The following HSPA9 variants were observed in gnomAD, a reference collection of about 807,000 sequenced individuals.
HSPA9 encodes the protein stress-70 protein, mitochondrial.
HSPA9 carries 28 observed loss-of-function variants against 81.5 expected under a neutral mutation model. That is an observed-to-expected ratio of 0.34 (90% CI 0.25 to 0.47). HSPA9 has a LOEUF of 0.47. HSPA9 is among the 20% of genes least tolerant of loss of function. The pLI is 1.00. For missense variants in HSPA9, 678 were observed against 838.0 expected (o/e 0.81, Z 2.36); for synonymous variants, 293 against 290.4 (o/e 1.01, Z -0.09).
intron 7 of HSPA9, 145 bp downstream of exon 7, chr5:138,567,310 A>T (rs1392619216): frequency 1.0e-6 from 1 of 994,092 alleles, no homozygotes; most frequent in African/African-American, 1.6e-5. Flanking sequence ...CCCAAAAGAA[A>T]AGAAAAGAAT....
At chr5:138,562,710 C>T (rs1750686958) in intron 9 of HSPA9, among the ~76,000 whole-genome samples, 1 of 152,204 alleles carries the variant, frequency 6.6e-6, no homozygotes, top group Non-Finnish European at 1.5e-5. Context: ...TTCATTAGAA[C>T]CACACTACTG....
intron 9 of HSPA9, among the ~76,000 whole-genome samples, chr5:138,562,421 C>T (rs1580744717): frequency 1.3e-5 from 2 of 151,838 alleles, no homozygotes; most frequent in Middle Eastern, 6.8e-3. Flanking sequence ...CGTGGTGGCA[C>T]ATGCCTGTAA....
chr5:138,570,037 T>C (rs1750844763), intron 4 of HSPA9, among the ~76,000 whole-genome samples: 1 of 152,038 alleles, frequency 6.6e-6, no homozygotes, highest in African/African-American at 2.4e-5. Flanking sequence ...ACCACCGAGC[T>C]TGGCTCTTTT....
chr5:138,556,890 C>T (rs374552005), intron 14 of HSPA9, 24 bp from the exon 15 acceptor site: 37 of 1,560,886 alleles, frequency 2.4e-5, no homozygotes, highest in South Asian at 1.9e-4. Context: ...GAAGTTTAAA[C>T]GAAGACTTTC....
intron 4 of HSPA9, among the ~76,000 whole-genome samples, chr5:138,570,212 C>T (rs1035499132): frequency 6.6e-5 from 10 of 151,868 alleles, no homozygotes; most frequent in Admixed American, 4.6e-4. Flanking sequence ...TGGTGGCTCA[C>T]GCCTGTAATC....
intron 1 of HSPA9, 139 bp from the exon 2 acceptor site, chr5:138,574,265 C>T (rs986441935): frequency 1.6e-5 from 11 of 685,302 alleles, no homozygotes; most frequent in Middle Eastern, 2.4e-4. Flanking sequence ...ATAAGTAAGA[C>T]GAAAAAAGGT....
chr5:138,558,015 C>G, intron 12 of HSPA9, 29 bp from the exon 13 acceptor site: 2 of 1,416,042 alleles, frequency 1.4e-6, no homozygotes, highest in Non-Finnish European at 2.0e-6. Flanking sequence ...AGAGTAAGGT[C>G]CTCTTACAGA....
At chr5:138,561,361 A>G (rs1750656320) in intron 10 of HSPA9, among the ~76,000 whole-genome samples, 1 of 152,206 alleles carries the variant, frequency 6.6e-6, no homozygotes, top group Non-Finnish European at 1.5e-5. Context: ...TGCCCGCCTC[A>G]GCCTCCCGAA....
In HSPA9 at chr5:138,557,811, T is replaced by G. The variant is rs1295498447; in HGVS notation, c.1633+58A>C. On this transcript the variant is annotated intron_variant, in intron 13 of 16. Coordinates refer to ENST00000297185, the MANE Select transcript of HSPA9 (RefSeq NM_004134.7). ...AAGAGGACTCATCATTCTAAGAGGG[T>G]CTATTCCCAAGACCTCCCTCACCTC... is the stretch of plus-strand genomic sequence containing the variant. The G allele has an allele frequency of 1.9e-5, 19 of 992,894 alleles. No individual in the cohort carries two copies. In the Middle Eastern group the frequency reaches 9.1e-4, roughly 47 times the overall value. 61.5% of individuals were successfully genotyped at this position (992,894 alleles called of 1,614,324 possible).
chr5:138,561,471 C>T (rs1750659699), intron 10 of HSPA9, 109 bp downstream of exon 10: 3 of 823,996 alleles, frequency 3.6e-6, no homozygotes, highest in Middle Eastern at 3.4e-4. Flanking sequence ...AATCTCATCT[C>T]CCTTTTAGGT....
intron 5 of HSPA9, among the ~76,000 whole-genome samples, chr5:138,568,151 C>CTCTA (rs1386788070): frequency 6.6e-6 from 1 of 151,124 alleles, no homozygotes; most frequent in African/African-American, 2.4e-5. Flanking sequence ...CACCACTGCA[C>CTCTA]TCTAGCTTGG....
rs771644988 is a variant in HSPA9 at position 138,557,422 on chromosome 5, C to T, written c.1708G>A (p.Glu570Lys). The change falls in exon 14 of 17, where the codon GAA becomes AAA. Residue 570 changes from glutamate to lysine, a missense_variant. Around this residue, in one of 4 missense-constraint regions of HSPA9, gnomAD observed 484 missense variants for 647.5 expected, o/e 0.75. Transcript: ENST00000297185. ...NMVKNAEKYA[E>K]EDRRKKERVE... is the part of the protein sequence containing the mutation. ...ATCACCTTCTTTCGCCGGTCTTCTTCAGCATATTTCTCTGCATTTTTAACC... is the reference window on the plus strand; with the variant it reads ...ATCACCTTCTTTCGCCGGTCTTCTTTAGCATATTTCTCTGCATTTTTAACC... The T allele has an allele frequency of 8.7e-6, 14 of 1,608,804 alleles. No individual in the cohort carries two copies. Among genetic ancestry groups the T allele is most frequent in the Non-Finnish European group, 9.4e-6 (11 of 1,175,814 alleles).
chr5:138,565,710 GATTCAA>G (rs916394108), intron 9 of HSPA9, among the ~76,000 whole-genome samples: 2 of 152,148 alleles, frequency 1.3e-5, no homozygotes, highest in Non-Finnish European at 2.9e-5. Context: ...CTAGACTGGT[GATTCAA>G]ATTATTGTCA....
Position 138,568,942 on chromosome 5 carries a change from T to C in HSPA9, c.518A>G (p.Lys173Arg). 1 of 1,613,998 alleles carries C rather than the reference T, an allele frequency of 6.2e-7. No homozygotes were observed. Among genetic ancestry groups the C allele is most frequent in the Non-Finnish European group, 8.5e-7 (1 of 1,179,902 alleles). ...CCACTCACCTGCAGTCTCTTTCATC[T>C]TCATCAACACAAATGCTCCAATCTG... ...PSQIGAFVLM[K>R]MKETAENYLG... The change falls in exon 5 of 17, where the codon AAG becomes AGG. Residue 173 changes from lysine (K) to arginine (R), a missense_variant. This residue lies in a region of HSPA9 where 484 missense variants were observed against 647.5 expected (regional missense o/e 0.75). Transcript: ENST00000297185.
intron 14 of HSPA9, chr5:138,557,118 C>T (rs969654790): frequency 5.5e-5 from 33 of 600,856 alleles, no homozygotes; most frequent in Admixed American, 3.8e-4. Context: ...GTATAAACAA[C>T]GGGGAAGGAA....
intron 9 of HSPA9, 56 bp downstream of exon 9, chr5:138,566,570 A>T: frequency 8.3e-7 from 1 of 1,199,256 alleles, no homozygotes; most frequent in Non-Finnish European, 1.2e-6. Context: ...TATTTATTTT[A>T]AATAAGCTCC....
At position 138,554,548 on chromosome 5, in the gene HSPA9, C is replaced by T. The variant is rs886412928; in HGVS notation, c.*1489G>A. Among the ~76,000 whole-genome samples the T allele has an allele frequency of 2.6e-5, 4 of 152,218 alleles. No homozygotes were observed. The highest frequency in any genetic ancestry group is 5.9e-5 in the Non-Finnish European group (4 of 68,044). On this transcript the variant is annotated 3_prime_UTR_variant, in exon 17 of 17. Coordinates refer to ENST00000297185, the MANE Select transcript of HSPA9 (RefSeq NM_004134.7). The stretch of plus-strand genomic sequence containing the variant: ...GCACTGAATCTTCCAAAAATGTTGT[C>T]TAAATCACTTCCTTCATACTTGCAA...
In HSPA9 at chr5:138,570,999, A is replaced by G. The variant is rs1411268703; in HGVS notation, c.371T>C (p.Ile124Thr). The G allele has an allele frequency of 5.6e-6, 9 of 1,614,036 alleles. No homozygotes were observed. Among genetic ancestry groups the G allele is most frequent in the East Asian group, 2.2e-5 (1 of 44,892 alleles). Reference sequence around the variant, plus strand: ...TTCAGGATCATCATATCGCCGGCCAATGAGACGCTTGGTAGCATAAAATGT... The same window carrying G: ...TTCAGGATCATCATATCGCCGGCCAGTGAGACGCTTGGTAGCATAAAATGT... ...NNTFYATKRL[I>T]GRRYDDPEVQ... Residue 124 changes from isoleucine (I) to threonine (T), a missense_variant, in exon 4 of 17, where the codon ATT becomes ACT. Ile to Thr is a moderately conservative substitution (Grantham distance 89, BLOSUM62 -1). Transcript: ENST00000297185.
chr5:138,557,973 G>A lies in HSPA9; in HGVS notation c.1529C>T (p.Pro510Leu). 2 of 1,603,050 alleles carry A rather than the reference G, an allele frequency of 1.2e-6. No individual in the cohort carries two copies. The highest frequency in any genetic ancestry group is 2.2e-5 in the South Asian group (2 of 90,842). Residue 510 changes from proline (P) to leucine (L), a missense_variant, in exon 13 of 17, where the codon CCA becomes CTA. Around this residue, in one of 4 missense-constraint regions of HSPA9, gnomAD observed 484 missense variants for 647.5 expected, o/e 0.75. Coordinates refer to ENST00000297185, the MANE Select transcript of HSPA9 (RefSeq NM_004134.7). ...AATCTGAGGAACTCCACGAGGGGCT[G>A]GTGGAATTCCAATCTAAAATAAATA... ...LGQFTLIGIP[P>L]APRGVPQIEV... is the part of the protein sequence containing the mutation.
Sources: gnomAD v4.1 joint callset for allele counts (sites outside exome capture counted in the v4.1 genomes callset) on GRCh38, gnomAD v4.1.1 for gene constraint, gnomAD v4.1.1 regional missense constraint, MANE v1.5 for transcripts, NCBI Gene and HGNC (gene_info 2026-07-23, HGNC 2026-07-21) for gene names.